Variants in KIAA0825 observed in about 807,000 individuals in gnomAD.
KIAA0825 encodes the protein uncharacterized protein KIAA0825.
A neutral mutation model predicts 147.6 loss-of-function variants in KIAA0825; 119 were observed. That is an observed-to-expected ratio of 0.81 (90% confidence interval 0.69 to 0.94). KIAA0825 has a LOEUF of 0.94. KIAA0825 is among the 40% of genes least tolerant of loss of function. The pLI is 0.00. For missense variants in KIAA0825, 1,381 were observed against 1,472.7 expected (o/e 0.94, Z 1.02); for synonymous variants, 470 against 518.1 (o/e 0.91, Z 1.26).
chr5:94,559,491 G>C (rs2152285867), intron 2 of KIAA0825, among the ~76,000 whole-genome samples: 1 of 152,268 alleles, frequency 6.6e-6, no homozygotes, highest in East Asian at 1.9e-4. Flanking sequence ...TAATTAAATT[G>C]TTGTAACTCA....
intron 15 of KIAA0825, among the ~76,000 whole-genome samples, chr5:94,412,497 T>C (rs1464439426): frequency 6.6e-6 from 1 of 152,000 alleles, no homozygotes; most frequent in African/African-American, 2.4e-5. Context: ...ACCTCCTGGG[T>C]TCAAGTGCTT....
intron 2 of KIAA0825, chr5:94,569,458 A>G (rs1160294991): frequency 4.9e-6 from 2 of 409,354 alleles, no homozygotes; most frequent in African/African-American, 4.1e-5. Flanking sequence ...AAAATAAAGC[A>G]TATGTCATTA....
At chr5:94,496,963 T>G (rs922234624) in intron 5 of KIAA0825, among the ~76,000 whole-genome samples, 2 of 152,226 alleles carry the variant, frequency 1.3e-5, no homozygotes, top group African/African-American at 4.8e-5. Flanking sequence ...TCTCATTTGC[T>G]GGCTCTGAGT....
chr5:94,605,979 T>C (rs552513951), intron 1 of KIAA0825, among the ~76,000 whole-genome samples: 2 of 152,320 alleles, frequency 1.3e-5, no homozygotes, highest in South Asian at 2.1e-4. Context: ...AACTATCTGT[T>C]TGCGGATGAC....
intron 1 of KIAA0825, among the ~76,000 whole-genome samples, chr5:94,608,491 A>ATTAT (rs1393256543): frequency 8.2e-5 from 1 of 12,156 alleles, no homozygotes; most frequent in Admixed American, 1.5e-3. Context: ...ATATATATAT[A>ATTAT]ATTATATATA....
At chr5:94,181,207 T>C (rs1053849612) in intron 20 of KIAA0825, among the ~76,000 whole-genome samples, 5 of 152,206 alleles carry the variant, frequency 3.3e-5, no homozygotes, top group African/African-American at 1.2e-4. Context: ...GGAAGAGCAT[T>C]TGCATTGTGA....
intron 1 of KIAA0825, among the ~76,000 whole-genome samples, chr5:94,600,135 A>T (rs1188042403): frequency 6.6e-6 from 1 of 152,218 alleles, no homozygotes; most frequent in Non-Finnish European, 1.5e-5. Context: ...GGTTTTTAAA[A>T]TAGGAATTGC....
At chr5:94,273,452 G>A (rs1777081848) in intron 20 of KIAA0825, among the ~76,000 whole-genome samples, 1 of 152,002 alleles carries the variant, frequency 6.6e-6, no homozygotes, top group Admixed American at 6.6e-5. Flanking sequence ...TTTGCTACAA[G>A]GGTATATTGT....
intron 9 of KIAA0825, among the ~76,000 whole-genome samples, chr5:94,470,720 A>G (rs1274908086): frequency 1.3e-5 from 2 of 152,218 alleles, no homozygotes; most frequent in Non-Finnish European, 2.9e-5. Flanking sequence ...AATTTATTCT[A>G]CTTTTATCTT....
At chr5:94,432,300 C>A (rs1026278063) in intron 14 of KIAA0825, among the ~76,000 whole-genome samples, 1 of 152,156 alleles carries the variant, frequency 6.6e-6, no homozygotes, top group African/African-American at 2.4e-5. Context: ...CCATGACCTA[C>A]TGAATCAGAA....
chr5:94,536,447 C>CA (rs1442682619), intron 3 of KIAA0825, among the ~76,000 whole-genome samples: 3 of 152,146 alleles, frequency 2.0e-5, no homozygotes, highest in Non-Finnish European at 4.4e-5. Context: ...CATATGAAAA[C>CA]AGAGTCCTTT....
chr5:94,243,409 T>G (rs944434213), intron 20 of KIAA0825, among the ~76,000 whole-genome samples: 4 of 152,170 alleles, frequency 2.6e-5, no homozygotes, highest in Non-Finnish European at 4.4e-5. Flanking sequence ...CCTTTACCAT[T>G]TGCTAGCTTT....
At chr5:94,220,155 T>A (rs1773555812) in intron 20 of KIAA0825, among the ~76,000 whole-genome samples, 1 of 152,220 alleles carries the variant, frequency 6.6e-6, no homozygotes, top group Non-Finnish European at 1.5e-5. Context: ...GAAATTTTTT[T>A]TGTTAAAAAC....
intron 5 of KIAA0825, among the ~76,000 whole-genome samples, chr5:94,509,416 G>T (rs894774236): frequency 6.6e-6 from 1 of 152,126 alleles, no homozygotes; most frequent in Non-Finnish European, 1.5e-5. Context: ...AAGAAAGTAT[G>T]TATTTTTCTG....
At chr5:94,569,699 C>G (rs1397493265) in intron 2 of KIAA0825, 4 of 323,886 alleles carry the variant, frequency 1.2e-5, no homozygotes, top group Admixed American at 5.0e-5. Context: ...CCTAGCCATA[C>G]ACTAATCACC....
At chr5:94,594,538 A>G in intron 1 of KIAA0825, 1 of 745,578 alleles carries the variant, frequency 1.3e-6, no homozygotes, top group Admixed American at 1.8e-5. Context: ...TGGGAATCAA[A>G]TACTGAAATA....
At chr5:94,292,903 G>T (rs1046138284) in intron 20 of KIAA0825, among the ~76,000 whole-genome samples, 1 of 152,096 alleles carries the variant, frequency 6.6e-6, no homozygotes, top group African/African-American at 2.4e-5. Context: ...TTGCATAGAG[G>T]TGTTTATAGT....
At chr5:94,363,565 T>C (rs975317388) in intron 20 of KIAA0825, among the ~76,000 whole-genome samples, 2 of 152,170 alleles carry the variant, frequency 1.3e-5, no homozygotes, top group Non-Finnish European at 2.9e-5. Flanking sequence ...TGAGCATATA[T>C]GTGATTTAAC....
At chr5:94,563,259 G>A (rs1478039770) in intron 2 of KIAA0825, among the ~76,000 whole-genome samples, 1 of 151,802 alleles carries the variant, frequency 6.6e-6, no homozygotes, top group Non-Finnish European at 1.5e-5. Flanking sequence ...TCCGGAGGCT[G>A]AGGCCAGGGA....
Sources: allele counts gnomAD v4.1 joint callset (sites outside exome capture counted in the v4.1 genomes callset), GRCh38; gene constraint gnomAD v4.1.1; transcripts MANE v1.5; gene names NCBI Gene and HGNC (gene_info 2026-07-23, HGNC 2026-07-21).